The following MAP4 variants were observed in gnomAD, a reference collection of about 807,000 sequenced individuals.
MAP4 encodes microtubule associated protein 4, also known as microtubule-associated protein 4.
Under a neutral mutation model 170.2 loss-of-function variants are expected in MAP4, and 76 were observed. The ratio of observed to expected loss-of-function variants is 0.45; its 90% CI spans 0.37 to 0.54. MAP4 has a LOEUF of 0.54. Ranked by LOEUF, MAP4 falls within the 20% of genes least tolerant of loss-of-function variation. The pLI is 0.00. For missense variants in MAP4, 2,506 were observed against 2,748.0 expected (o/e 0.91, Z 1.97); for synonymous variants, 909 against 994.5 (o/e 0.91, Z 1.62).
chr3:47,862,635 G>A (rs1474181831), intron 17 of MAP4, among the ~76,000 whole-genome samples: 3 of 151,950 alleles, frequency 2.0e-5, no homozygotes, highest in African/African-American at 4.8e-5. Context: ...GTGCCACCAC[G>A]CCCAGCTGAT....
chr3:48,050,425 A>T lies in MAP4; in HGVS notation c.-20+38348T>A, dbSNP rs2100127075. Among the ~76,000 whole-genome samples the T allele has an allele frequency of 2.0e-5, 3 of 152,086 alleles. No homozygotes were observed. In the South Asian group the frequency reaches 6.2e-4, roughly 31 times the overall value. On this transcript the variant is annotated intron_variant, in intron 1 of 18. Coordinates refer to the MAP4 transcript ENST00000360240. ...CAACAGAAAAATGAGTCCAGGACAC[A>T]AACTCTTCATAGAAATCCAAATAAT...
intron 7 of MAP4, among the ~76,000 whole-genome samples, chr3:47,915,174 T>C (rs540764601): frequency 2.8e-4 from 42 of 151,578 alleles, no homozygotes; most frequent in African/African-American, 9.9e-4. Flanking sequence ...TGGAGTGCAA[T>C]GGTGCGATCT....
upstream of MAP4, among the ~76,000 whole-genome samples, chr3:48,019,729 C>T (rs1376387922): frequency 6.6e-6 from 1 of 152,088 alleles, no homozygotes; most frequent in Non-Finnish European, 1.5e-5. Context: ...CCACAGAAAA[C>T]ATTTTAAAAT....
intron 2 of MAP4, 113 bp from the exon 3 acceptor site, chr3:47,978,046 C>A: frequency 3.0e-6 from 2 of 675,814 alleles, no homozygotes; most frequent in South Asian, 1.8e-5. Context: ...TAGGTTAAAG[C>A]AATTAAAAAC....
chr3:47,879,947 TATG>T (rs2096382153), intron 10 of MAP4, among the ~76,000 whole-genome samples: 1 of 152,222 alleles, frequency 6.6e-6, no homozygotes, highest in Non-Finnish European at 1.5e-5. Context: ...CACCATTAAA[TATG>T]ATGTTAGCTG....
At chr3:47,879,527 CCTACGTA>C (rs2096271609) in intron 10 of MAP4, among the ~76,000 whole-genome samples, 1 of 152,134 alleles carries the variant, frequency 6.6e-6, no homozygotes, top group African/African-American at 2.4e-5. Flanking sequence ...GTGTTGATAT[CCTACGTA>C]AATACAGTAT....
At chr3:47,974,325 T>C in intron 3 of MAP4, 4 of 389,234 alleles carry the variant, frequency 1.0e-5, no homozygotes, top group Non-Finnish European at 1.1e-5. Context: ...CTTGGGAGGC[T>C]GAGGCAGGAG....
In MAP4 at chr3:48,078,308, CTAAT is replaced by C. The variant is rs1470004120; in HGVS notation, c.-20+10461_-20+10464del. ...TACAGGTGTGCACCACCATGCCTGG[CTAAT>C]TTTTTTTTTTTTTTTTTTTTTGGTA... On this transcript the variant is annotated intron_variant, in intron 1 of 18. Coordinates refer to the MAP4 transcript ENST00000360240. Among the ~76,000 whole-genome samples the C allele has an allele frequency of 4.1e-5, 6 of 147,464 alleles. No homozygotes were observed. The Admixed American group carries it at 4.1e-4, about 10-fold the overall frequency.
At chr3:48,074,676 T>TTGTGTGTG (rs555691222) in intron 1 of MAP4, among the ~76,000 whole-genome samples, 1,658 of 90,504 alleles carry the variant, frequency 0.018, 46 homozygotes, top group African/African-American at 0.035. Context: ...ATCCAGCTAA[T>TTGTGTGTG]TGTGTGTGTG....
chr3:47,884,145 C>G (rs1316042461), intron 10 of MAP4, among the ~76,000 whole-genome samples: 1 of 152,168 alleles, frequency 6.6e-6, no homozygotes, highest in South Asian at 2.1e-4. Context: ...TTGTTATTGT[C>G]CCATGGGTCT....
At chr3:48,000,221 CAAA>C (rs530513032) in intron 1 of MAP4, among the ~76,000 whole-genome samples, 3 of 79,898 alleles carry the variant, frequency 3.8e-5, no homozygotes, top group South Asian at 5.0e-4. Context: ...ACTCCCCCAT[CAAA>C]AAAAAAAAAA....
intron 3 of MAP4, among the ~76,000 whole-genome samples, chr3:47,952,085 T>C (rs1179541118): frequency 1.6e-5 from 2 of 123,536 alleles, no homozygotes; most frequent in Admixed American, 8.5e-5. Context: ...GGCCGCCCCG[T>C]CTGAGAAGTG....
At chr3:47,940,473 C>G (rs2100055562) in intron 3 of MAP4, among the ~76,000 whole-genome samples, 1 of 152,164 alleles carries the variant, frequency 6.6e-6, no homozygotes, top group South Asian at 2.1e-4. Context: ...AAGCAATTTA[C>G]ATAATGCAGT....
At chr3:48,074,726 G>GTGTGTGTGTGTGTGTGTGTGTT (rs1003251844) in intron 1 of MAP4, among the ~76,000 whole-genome samples, 1 of 147,662 alleles carries the variant, frequency 6.8e-6, no homozygotes, top group Non-Finnish European at 1.5e-5. Context: ...GTGTGTGTGT[G>GTGTGTGTGTGTGTGTGTGTGTT]ATATGTCGGC....
intron 1 of MAP4, among the ~76,000 whole-genome samples, chr3:48,081,948 A>T (rs1022508545): frequency 6.6e-6 from 1 of 152,234 alleles, no homozygotes; most frequent in Non-Finnish European, 1.5e-5. Flanking sequence ...CAGGAAGTAC[A>T]AAAGTGCTAA....
chr3:47,864,612 G>C (rs2076192691), intron 17 of MAP4, among the ~76,000 whole-genome samples: 1 of 152,210 alleles, frequency 6.6e-6, no homozygotes, highest in Non-Finnish European at 1.5e-5. Context: ...GGGAGGCGGA[G>C]CTTGCAGTGA....
chr3:48,079,722 G>A (rs936421124), intron 1 of MAP4, among the ~76,000 whole-genome samples: 13 of 151,968 alleles, frequency 8.6e-5, no homozygotes, highest in Non-Finnish European at 1.2e-4. Flanking sequence ...AGGCCAAGGC[G>A]GGCGGATCAA....
chr3:47,892,360 T>G, intron 10 of MAP4: 1 of 1,536,286 alleles, frequency 6.5e-7, no homozygotes. Flanking sequence ...GTTTGCCCTC[T>G]GTCCTCTGCC....
chr3:47,948,006 T>G (rs952803471), intron 3 of MAP4, among the ~76,000 whole-genome samples: 2 of 151,322 alleles, frequency 1.3e-5, no homozygotes, highest in African/African-American at 4.8e-5. Context: ...ATTCTTTCTT[T>G]TTTTTTTTGT....
Sources: gnomAD v4.1 joint callset for allele counts (sites outside exome capture counted in the v4.1 genomes callset) on GRCh38, gnomAD v4.1.1 for gene constraint, MANE v1.5 for transcripts, NCBI Gene and HGNC (gene_info 2026-07-23, HGNC 2026-07-21) for gene names.